Variants in MACROD2 observed in about 807,000 individuals in gnomAD.
The protein encoded by MACROD2 is ADP-ribose glycohydrolase MACROD2.
MACROD2 carries 36 observed loss-of-function variants against 70.4 expected under a neutral mutation model. The ratio of observed to expected loss-of-function variants is 0.51; its 90% CI spans 0.39 to 0.68. MACROD2 has a LOEUF of 0.68. Among genes scored for constraint, MACROD2 ranks in the 30% least tolerant of loss-of-function variants. The probability of loss-of-function intolerance (pLI) is 0.00; values close to 1 mark genes in which losing one functional copy is unlikely to be tolerated. For missense variants in MACROD2, 496 were observed against 538.4 expected (o/e 0.92, Z 0.78); for synonymous variants, 172 against 178.8 (o/e 0.96, Z 0.30).
chr20:15,519,057 T>C (rs1042176526), intron 8 of MACROD2, among the ~76,000 whole-genome samples: 3 of 33,108 alleles, frequency 9.1e-5, no homozygotes, highest in Non-Finnish European at 1.5e-4. Context: ...ACTCGCTCTT[T>C]CCTTCCTTCC....
intron 4 of MACROD2, among the ~76,000 whole-genome samples, chr20:14,665,791 A>C (rs553795284): frequency 2.0e-5 from 3 of 152,060 alleles, no homozygotes. Context: ...AGGTGGTTCA[A>C]ATTCTCCAGG....
chr20:15,016,892 A>C (rs1189642521), intron 5 of MACROD2, among the ~76,000 whole-genome samples: 1 of 152,136 alleles, frequency 6.6e-6, no homozygotes, highest in Non-Finnish European at 1.5e-5. Flanking sequence ...CCATGATTCA[A>C]TTATCTCCTC....
In MACROD2 at chr20:15,169,719, T is replaced by C. The variant is rs182785115; in HGVS notation, c.419-60221T>C. ...TCTGTCTTTTTATTGCTATGCACTT[T>C]TAGCAAAATTACAAGATGCTTTATT... On this transcript the variant is annotated intron_variant, in intron 5 of 17. Transcript: ENST00000684519. Among the ~76,000 whole-genome samples, 88 of 152,350 alleles carry C rather than the reference T, an allele frequency of 5.8e-4. 1 individual carries two copies. The East Asian group carries it at 7.7e-3, about 13-fold the overall frequency.
intron 8 of MACROD2, among the ~76,000 whole-genome samples, chr20:15,551,164 C>T (rs371330654): frequency 1.1e-4 from 16 of 152,154 alleles, no homozygotes; most frequent in East Asian, 7.7e-4. Context: ...TTCAACAGAT[C>T]GCCCTGTTTT....
At chr20:15,119,566 A>G (rs1242174060) in intron 5 of MACROD2, among the ~76,000 whole-genome samples, 2 of 152,216 alleles carry the variant, frequency 1.3e-5, no homozygotes, top group Non-Finnish European at 2.9e-5. Context: ...TACAGAGAAA[A>G]AAAGAAAGAA....
intron 12 of MACROD2, among the ~76,000 whole-genome samples, chr20:15,967,084 T>C (rs1354924414): frequency 6.6e-6 from 1 of 152,184 alleles, no homozygotes; most frequent in Non-Finnish European, 1.5e-5. Flanking sequence ...TCTACTGTTA[T>C]GGTTCCCGAG....
At chr20:14,613,262 G>A (rs974063393) in intron 4 of MACROD2, among the ~76,000 whole-genome samples, 9 of 152,126 alleles carry the variant, frequency 5.9e-5, no homozygotes, top group Non-Finnish European at 1.2e-4. Context: ...ATACAGTCAA[G>A]AGAATAAGCA....
chr20:15,649,191 C>A (rs1224167013), intron 8 of MACROD2, among the ~76,000 whole-genome samples: 3 of 110,858 alleles, frequency 2.7e-5, no homozygotes, highest in Non-Finnish European at 5.3e-5. Context: ...CTTCTTTTTC[C>A]TTTCTTCTTT....
At chr20:15,018,424 T>C (rs1358321394) in intron 5 of MACROD2, among the ~76,000 whole-genome samples, 4 of 152,190 alleles carry the variant, frequency 2.6e-5, no homozygotes, top group African/African-American at 7.2e-5. Context: ...CTCTAGGAAG[T>C]TCCAAATTTT....
chr20:15,292,270 A>C (rs1438844649), intron 6 of MACROD2, among the ~76,000 whole-genome samples: 1 of 152,202 alleles, frequency 6.6e-6, no homozygotes, highest in Non-Finnish European at 1.5e-5. Flanking sequence ...AACTGTAAAC[A>C]AGCTAATTAA....
At chr20:14,641,683 T>A (rs1181130825) in intron 4 of MACROD2, among the ~76,000 whole-genome samples, 1 of 152,222 alleles carries the variant, frequency 6.6e-6, no homozygotes, top group Non-Finnish European at 1.5e-5. Context: ...GAATGCATTG[T>A]AAATGAGCAG....
At chr20:16,031,783 A>G (rs1183861080) in intron 15 of MACROD2, among the ~76,000 whole-genome samples, 1 of 152,188 alleles carries the variant, frequency 6.6e-6, no homozygotes, top group Non-Finnish European at 1.5e-5. Context: ...TATTATAAAT[A>G]CATATATTTA....
At chr20:15,175,782 A>G (rs1322629659) in intron 5 of MACROD2, among the ~76,000 whole-genome samples, 2 of 152,222 alleles carry the variant, frequency 1.3e-5, no homozygotes, top group Non-Finnish European at 2.9e-5. Flanking sequence ...CACTGGCTGC[A>G]ATGGCTAGGT....
At chr20:14,808,708 C>T (rs1160410702) in intron 5 of MACROD2, among the ~76,000 whole-genome samples, 1 of 149,346 alleles carries the variant, frequency 6.7e-6, no homozygotes, top group Non-Finnish European at 1.5e-5. Context: ...TGCAAAGACA[C>T]ACATAGGCTC....
At chr20:15,021,167 T>C (rs2075171980) in intron 5 of MACROD2, among the ~76,000 whole-genome samples, 1 of 128,696 alleles carries the variant, frequency 7.8e-6, no homozygotes, top group Non-Finnish European at 1.7e-5. Flanking sequence ...TGTGTGTATG[T>C]ATACACATAC....
intron 8 of MACROD2, among the ~76,000 whole-genome samples, chr20:15,623,709 T>TATCC (rs1555850049): frequency 1.4e-3 from 216 of 152,086 alleles, no homozygotes; most frequent in African/African-American, 5.1e-3. Context: ...TCTATCTATC[T>TATCC]ATCTATCTAT....
intron 5 of MACROD2, among the ~76,000 whole-genome samples, chr20:15,073,181 T>C (rs1814707989): frequency 6.6e-6 from 1 of 152,056 alleles, no homozygotes; most frequent in African/African-American, 2.4e-5. Context: ...AAAAATGGAC[T>C]AAGATACCCA....
intron 7 of MACROD2, among the ~76,000 whole-genome samples, chr20:15,463,102 A>C (rs770975841): frequency 2.0e-5 from 3 of 152,264 alleles, no homozygotes; most frequent in Admixed American, 2.0e-4. Flanking sequence ...AATTCTCAAA[A>C]CTCTTGAACT....
At chr20:14,722,946 A>C (rs975727421) in intron 5 of MACROD2, among the ~76,000 whole-genome samples, 2 of 152,196 alleles carry the variant, frequency 1.3e-5, no homozygotes, top group African/African-American at 4.8e-5. Flanking sequence ...AGCTTATATT[A>C]ATCTGACTTT....
Sources: allele counts gnomAD v4.1 joint callset (sites outside exome capture counted in the v4.1 genomes callset), GRCh38; gene constraint gnomAD v4.1.1; transcripts MANE v1.5; gene names NCBI Gene and HGNC (gene_info 2026-07-23, HGNC 2026-07-21).